Variants in MEFV observed in about 807,000 individuals in gnomAD.
The protein encoded by MEFV is MEFV innate immunity regulator, pyrin.
MEFV carries 60 observed loss-of-function variants against 62.5 expected under a neutral mutation model. The observed-to-expected ratio is 0.96, with a 90% CI of 0.78 to 1.19. The LOEUF (loss-of-function observed/expected upper bound fraction) is 1.19. Among genes scored for constraint, MEFV ranks in the 50% most tolerant of loss-of-function variants. MEFV has a pLI of 0.00. For missense variants in MEFV, 1,169 were observed against 1,004.5 expected, an observed-to-expected ratio of 1.16 and a Z score of -2.21; for synonymous variants, 500 against 415.2, an observed-to-expected ratio of 1.20 and a Z score of -2.48.
chr16:3,252,272 CTTTTTTTTT>C (rs534371432), intron 2 of MEFV, among the ~76,000 whole-genome samples: 2 of 130,752 alleles, frequency 1.5e-5, no homozygotes, highest in Admixed American at 1.6e-4. Context: ...ACTCCCAATT[CTTTTTTTTT>C]TTTTTTTTTG....
Position 3,254,261 on chromosome 16 carries a change from C to T in MEFV, c.807G>A (p.Ala269=). 3 of 1,614,252 alleles carry T rather than the reference C, an allele frequency of 1.9e-6. No homozygotes were observed. The highest frequency in any genetic ancestry group is 2.5e-6 in the Non-Finnish European group (3 of 1,180,046). Residue 269 remains alanine, a synonymous_variant, in exon 2 of 10, where the codon GCG becomes GCA. Coordinates refer to ENST00000219596, the MANE Select transcript of MEFV (RefSeq NM_000243.3). ...GGGGTTCTGTTGCCGAGTCCAGATTCGCAGCTGTCTTTTCCTCTAGAGTCA... is the reference window on the plus strand; with the variant it reads ...GGGGTTCTGTTGCCGAGTCCAGATTTGCAGCTGTCTTTTCCTCTAGAGTCA... ...ILLTLEEKTA[A]NLDSATEPRA... is the part of the protein sequence containing the mutation.
chr16:3,249,617 G>C lies in MEFV; in HGVS notation c.1074C>G (p.Ser358=), dbSNP rs369382646. The part of the protein sequence containing the change: ...RSPGCPRCQD[S]HERKSPGSLS... ...GGCTTCCCGGGCTCTTCCTTTCATG[G>C]GAGTCCTGGCACCGGGGGCAGCCAG... The change falls in exon 3 of 10, where the codon TCC becomes TCG. Residue 358 remains serine (S), a synonymous_variant. Coordinates refer to ENST00000219596, the MANE Select transcript of MEFV (RefSeq NM_000243.3). The C allele has an allele frequency of 3.7e-6, 6 of 1,614,114 alleles. No individual in the cohort carries two copies. The highest frequency in any genetic ancestry group is 8.5e-7 in the Non-Finnish European group (1 of 1,179,998).
chr16:3,248,423 C>G (rs1958976664), intron 4 of MEFV: 1 of 201,278 alleles, frequency 5.0e-6, no homozygotes, highest in Non-Finnish European at 1.0e-5. Flanking sequence ...AACCCCATCT[C>G]TACTAAAACT....
chr16:3,244,032 C>T, intron 8 of MEFV, 140 bp from the exon 9 acceptor site: 14 of 1,553,350 alleles, frequency 9.0e-6, no homozygotes, highest in Non-Finnish European at 1.1e-5. Flanking sequence ...TAATCCCGTT[C>T]CTCCCAGGAA....
At chr16:3,252,272 C>CT (rs534371432) in intron 2 of MEFV, among the ~76,000 whole-genome samples, 1,418 of 130,714 alleles carry the variant, frequency 0.011, 7 homozygotes, top group Middle Eastern at 0.024. Context: ...ACTCCCAATT[C>CT]TTTTTTTTTT....
At position 3,242,946 on chromosome 16, in the gene MEFV, C is replaced by T; in HGVS notation, c.*195G>A. The T allele has an allele frequency of 1.5e-6, 1 of 650,694 alleles. No individual in the cohort carries two copies. The highest frequency in any genetic ancestry group is 1.8e-5 in the South Asian group (1 of 56,424). The allele number at this position is 650,694 out of a possible 1,614,324, so 40.3% of individuals were successfully genotyped here. ...TCCATGGTGTGTCATCAGTACATGT[C>T]TTCACCCGGATTGACTAACATGTTC... On this transcript the variant is annotated 3_prime_UTR_variant, in exon 10 of 10. Transcript: ENST00000219596.
intron 2 of MEFV, 69 bp from the exon 3 acceptor site, chr16:3,249,849 G>A: frequency 7.8e-7 from 1 of 1,278,144 alleles, no homozygotes; most frequent in Admixed American, 1.9e-5. Flanking sequence ...GTATCACAAA[G>A]CACAGCGGAC....
chr16:3,249,914 C>T (rs1401034672), intron 2 of MEFV, 134 bp from the exon 3 acceptor site: 6 of 761,086 alleles, frequency 7.9e-6, no homozygotes, highest in Admixed American at 2.1e-5. Flanking sequence ...CACTTCCTAG[C>T]TTGTCCTCCC....
Position 3,249,569 on chromosome 16 carries a change from C to A in MEFV, c.1122G>T (p.Gln374His), listed in dbSNP as rs758772308. 2 of 1,614,214 alleles carry A rather than the reference C, an allele frequency of 1.2e-6. No individual in the cohort carries two copies. The highest frequency in any genetic ancestry group is 2.2e-5 in the South Asian group (2 of 91,086). ...PGSLSPQPLP[Q>H]CKRHLKQVQL... The stretch of plus-strand genomic sequence containing the variant: ...GGACCTGCTTCAGGTGGCGCTTACA[C>A]TGTGGCAGGGGCTGGGGGCTTAGGC... Residue 374 changes from glutamine (Q) to histidine (H), a missense_variant, in exon 3 of 10, where the codon CAG (glutamine) becomes CAT (histidine). Coordinates refer to ENST00000219596, the MANE Select transcript of MEFV (RefSeq NM_000243.3).
At position 3,243,172 on chromosome 16, in the gene MEFV, A is replaced by G; in HGVS notation, c.2315T>C (p.Ile772Thr). 3 of 1,613,938 alleles carry G rather than the reference A, an allele frequency of 1.9e-6. No individual in the cohort carries two copies. The highest frequency in any genetic ancestry group is 1.7e-4 in the Middle Eastern group (1 of 5,900). ...AGGCCCCTGACCACCCACTGGACAGATAGTCAGAGGAGCTGTGTTCTTCCC... is the reference window on the plus strand; with the variant it reads ...AGGCCCCTGACCACCCACTGGACAGGTAGTCAGAGGAGCTGTGTTCTTCCC... The part of the protein sequence containing the change: ...DGGKNTAPLT[I>T]CPVGGQGPD Residue 772 changes from isoleucine to threonine, a missense_variant, in exon 10 of 10, where the codon ATC (isoleucine) becomes ACC (threonine). Transcript: ENST00000219596.
chr16:3,246,933 G>A, intron 5 of MEFV, 83 bp downstream of exon 5: 5 of 1,343,562 alleles, frequency 3.7e-6, no homozygotes, highest in Admixed American at 1.7e-5. Context: ...ACTTGTTCCA[G>A]CACGGCTGAT....
Position 3,249,664 on chromosome 16 carries a change from G to A in MEFV, c.1027C>T (p.Gln343Ter). The part of the protein sequence containing the change: ...SFPEAVSGHP[Q>*]ASGSRSPGCP... Reference sequence around the variant, plus strand: ...CCAGGTGAGCGGCTGCCTGAGGCCTGGGGGTGCCCAGAAACTGCCTCGGGG... The same window carrying A: ...CCAGGTGAGCGGCTGCCTGAGGCCTAGGGGTGCCCAGAAACTGCCTCGGGG... Residue 343 changes from glutamine (Q) to a stop codon, truncating the protein, a stop_gained, in exon 3 of 10, where the codon CAG (glutamine) becomes TAG (stop). Transcript: ENST00000219596. LOFTEE classifies it high-confidence loss of function. The A allele has an allele frequency of 6.2e-7, 1 of 1,613,158 alleles. No individual in the cohort carries two copies. The highest frequency in any genetic ancestry group is 8.5e-7 in the Non-Finnish European group (1 of 1,179,332).
intron 8 of MEFV, 165 bp downstream of exon 8, chr16:3,244,089 T>C: frequency 6.4e-7 from 1 of 1,551,964 alleles, no homozygotes; most frequent in Non-Finnish European, 8.7e-7. Context: ...ACTCAGTCAA[T>C]GAGTCACGCA....
chr16:3,242,906 C>G lies in MEFV; in HGVS notation c.*235G>C. 1 of 567,076 alleles carries G rather than the reference C, an allele frequency of 1.8e-6. No individual in the cohort carries two copies. Among genetic ancestry groups the G allele is most frequent in the East Asian group, 3.1e-5 (1 of 32,132 alleles). The allele number at this position is 567,076 out of a possible 1,614,324, so 35.1% of individuals were successfully genotyped here. On this transcript the variant is annotated 3_prime_UTR_variant, in exon 10 of 10. Transcript: ENST00000219596. The stretch of plus-strand genomic sequence containing the variant: ...GGGCGGATTATGCAACGACTCCGTA[C>G]TTCCTCCTCTGAAATCCATGGTGTG...
In MEFV at chr16:3,242,224, C is replaced by A. The variant is rs1384367192; in HGVS notation, c.*917G>T. On this transcript the variant is annotated 3_prime_UTR_variant, in exon 10 of 10. Transcript: ENST00000219596. ...CTAAAAATGCAAAAAATTAGCCGGG[C>A]ATGGTGGCGGGCGCCTGTAATCCCA... 1 of 237,068 alleles carries A rather than the reference C, an allele frequency of 4.2e-6. No homozygotes were observed. The highest frequency in any genetic ancestry group is 3.5e-5 in the South Asian group (1 of 28,926). The allele number at this position is 237,068 out of a possible 1,614,324, so 14.7% of individuals were successfully genotyped here.
intron 2 of MEFV, among the ~76,000 whole-genome samples, chr16:3,251,208 T>G (rs1959027757): frequency 6.6e-6 from 1 of 152,114 alleles, no homozygotes; most frequent in South Asian, 2.1e-4. Flanking sequence ...TTTCCCTGTT[T>G]CCCTGCCTCC....
chr16:3,247,361 C>T, intron 4 of MEFV, 115 bp from the exon 5 acceptor site: 1 of 787,730 alleles, frequency 1.3e-6, no homozygotes, highest in Non-Finnish European at 2.1e-6. Flanking sequence ...CTTATGCTGC[C>T]TCTTCAAGGC....
In MEFV at chr16:3,244,599, A is replaced by C; in HGVS notation, c.1611-11T>G. The C allele has an allele frequency of 6.2e-7, 1 of 1,607,498 alleles. No homozygotes were observed. Among genetic ancestry groups the C allele is most frequent in the Non-Finnish European group, 8.5e-7 (1 of 1,174,542 alleles). On this transcript the variant is annotated splice_polypyrimidine_tract_variant and intron_variant, in intron 6 of 9. Coordinates refer to ENST00000219596, the MANE Select transcript of MEFV (RefSeq NM_000243.3). ...GGCACTGTCTTAGCCCTAGAGACAAAAGACTGTTGACCAGAGAAGGCCGGA... is the reference window on the plus strand; with the variant it reads ...GGCACTGTCTTAGCCCTAGAGACAACAGACTGTTGACCAGAGAAGGCCGGA...
rs104895103 is a variant in MEFV at position 3,254,746 on chromosome 16, T to G, written c.322A>C (p.Ser108Arg). The change falls in exon 2 of 10, where the codon AGC becomes CGC. Residue 108 changes from serine to arginine, a missense_variant. Coordinates refer to ENST00000219596, the MANE Select transcript of MEFV (RefSeq NM_000243.3). ...ENGTDDSAAS[S>R]SLGENKPRSL... ...CTGGGCTTGTTCTCCCCCAGGGAGC[T>G]GGACGCTGCGGAATCATCTGTGCCG... is the stretch of plus-strand genomic sequence containing the variant. 15 of 1,612,830 alleles carry G rather than the reference T, an allele frequency of 9.3e-6. No individual in the cohort carries two copies. In the Middle Eastern group the frequency reaches 9.9e-4, roughly 106 times the overall value.
Sources: gnomAD v4.1 joint callset for allele counts (sites outside exome capture counted in the v4.1 genomes callset) on GRCh38, gnomAD v4.1.1 for gene constraint, MANE v1.5 for transcripts, NCBI Gene and HGNC (gene_info 2026-07-23, HGNC 2026-07-21) for gene names.